CIMIP2A: variants seen among roughly 807,000 people sequenced by gnomAD.
CIMIP2A encodes the protein ciliary microtubule inner protein 2A.
At chr9:137,247,523 T>G in the CIMIP2A span, 1 of 775,734 alleles carries the variant, frequency 1.3e-6, no homozygotes, top group Non-Finnish European at 2.1e-6. Context: ...CAGACTGCAG[T>G]GCCCCGTGGT....
chr9:137,247,711 G>T, the CIMIP2A span: 45 of 1,613,408 alleles, frequency 2.8e-5, no homozygotes, highest in African/African-American at 5.6e-4. Flanking sequence ...CTGAGTAGTT[G>T]TCATTTTGCT....
the CIMIP2A span, chr9:137,251,434 G>A: frequency 6.7e-7 from 1 of 1,497,092 alleles, no homozygotes; most frequent in South Asian, 1.2e-5. Flanking sequence ...CGGGCCAGCT[G>A]GGAGTGGCCA....
chr9:137,252,794 G>T, the CIMIP2A span: 1 of 1,563,110 alleles, frequency 6.4e-7, no homozygotes. Flanking sequence ...TAGGGGGCTG[G>T]GCCTCAGGGT....
the CIMIP2A span, chr9:137,244,493 A>G: frequency 6.7e-7 from 1 of 1,493,670 alleles, no homozygotes; most frequent in East Asian, 2.5e-5. Context: ...TTGGGGCGGC[A>G]CCTCCGGGGA....
the CIMIP2A span, chr9:137,253,604 C>T: frequency 1.0e-5 from 9 of 886,892 alleles, no homozygotes; most frequent in Non-Finnish European, 1.3e-5. Context: ...CTGAAAGGTG[C>T]TCTCTTCTCT....
chr9:137,254,243 TTG>T, the CIMIP2A span, among the ~76,000 whole-genome samples: 1 of 152,088 alleles, frequency 6.6e-6, no homozygotes, highest in South Asian at 2.1e-4. Context: ...AGGCTCAGGA[TTG>T]TGTGTGTGCT....
chr9:137,245,947 G>T, the CIMIP2A span: 1 of 1,078,840 alleles, frequency 9.3e-7, no homozygotes, highest in Non-Finnish European at 1.3e-6. Context: ...TCAGCCTGCT[G>T]GCCACTTAGC....
At chr9:137,248,275 C>T in the CIMIP2A span, among the ~76,000 whole-genome samples, 1 of 152,170 alleles carries the variant, frequency 6.6e-6, no homozygotes, top group Non-Finnish European at 1.5e-5. Flanking sequence ...CGGCCAGGCA[C>T]GGTGGCTCAC....
chr9:137,253,557 C>T, the CIMIP2A span: 21,775 of 1,346,160 alleles, frequency 0.016, 212 homozygotes, highest in Admixed American at 0.02. Flanking sequence ...GGGTCATTTC[C>T]GGCTTTCCCT....
the CIMIP2A span, chr9:137,243,609 C>T: frequency 3.5e-5 from 56 of 1,613,262 alleles, 2 homozygotes; most frequent in Middle Eastern, 3.3e-3. Context: ...TTTATTCACT[C>T]CCAGCCTGTC....
chr9:137,251,954 G>A, the CIMIP2A span: 1 of 1,597,226 alleles, frequency 6.3e-7, no homozygotes, highest in Admixed American at 1.7e-5. Context: ...CTGTGGGAGG[G>A]GCCCGCTGAA....
the CIMIP2A span, chr9:137,244,320 C>G: frequency 1.2e-6 from 2 of 1,612,400 alleles, no homozygotes; most frequent in Non-Finnish European, 1.7e-6. Context: ...AACAAGCTCC[C>G]TCCCCGGCAG....
At chr9:137,244,980 T>C in the CIMIP2A span, 1 of 1,606,934 alleles carries the variant, frequency 6.2e-7, no homozygotes, top group Non-Finnish European at 8.5e-7. Context: ...TAGCCTGTTC[T>C]GGAGCAGGAA....
chr9:137,247,705 G>A, the CIMIP2A span: 1 of 1,613,474 alleles, frequency 6.2e-7, no homozygotes, highest in Non-Finnish European at 8.5e-7. Flanking sequence ...GTGTTTCTGA[G>A]TAGTTGTCAT....
chr9:137,243,861 C>T, the CIMIP2A span: 2 of 1,529,832 alleles, frequency 1.3e-6, no homozygotes, highest in African/African-American at 1.4e-5. Context: ...ACCCAGGCTT[C>T]AGAGAAGTGT....
At chr9:137,251,706 G>A in the CIMIP2A span, 1 of 1,552,868 alleles carries the variant, frequency 6.4e-7, no homozygotes, top group Non-Finnish European at 8.7e-7. Context: ...GCGGCCGGGG[G>A]CTGAGACAGT....
chr9:137,252,984 A>G, the CIMIP2A span: 1 of 1,580,776 alleles, frequency 6.3e-7, no homozygotes, highest in South Asian at 1.1e-5. Flanking sequence ...GCCTGGAGAG[A>G]AGAGGGCTAG....
chr9:137,252,137 T>C, the CIMIP2A span: 1 of 1,604,930 alleles, frequency 6.2e-7, no homozygotes, highest in Non-Finnish European at 8.5e-7. Context: ...AGGGCCGAGG[T>C]GTGTGTCCCC....
At chr9:137,250,556 GCTGGGACCAA>G in the CIMIP2A span, 6 of 152,954 alleles carry the variant, frequency 3.9e-5, no homozygotes, top group Admixed American at 1.3e-4. Flanking sequence ...CAAGGTCAGG[GCTGGGACCAA>G]CTGGTGGTCA....
Sources: allele counts gnomAD v4.1 joint callset (sites outside exome capture counted in the v4.1 genomes callset), GRCh38; gene constraint gnomAD v4.1.1; transcripts MANE v1.5; gene names NCBI Gene and HGNC (gene_info 2026-07-23, HGNC 2026-07-21).